GRM1: variants seen among roughly 807,000 people sequenced by gnomAD.
GRM1 encodes metabotropic glutamate receptor 1.
GRM1 carries 33 observed loss-of-function variants against 90.9 expected under a neutral mutation model. The ratio of observed to expected loss-of-function variants is 0.36; its 90% CI spans 0.28 to 0.49. The LOEUF (loss-of-function observed/expected upper bound fraction) is 0.49. GRM1 is among the 20% of genes least tolerant of loss of function. The probability of loss-of-function intolerance (pLI) is 0.99; values close to 1 mark genes in which losing one functional copy is unlikely to be tolerated. For missense variants in GRM1, 1,190 were observed against 1,534.3 expected (o/e 0.78, Z 3.75); for synonymous variants, 700 against 613.2 (o/e 1.14, Z -2.09).
intron 2 of GRM1, among the ~76,000 whole-genome samples, chr6:146,290,255 T>A (rs1356643252): frequency 6.6e-6 from 1 of 152,022 alleles, no homozygotes; most frequent in African/African-American, 2.4e-5. Flanking sequence ...AAAATAGAGA[T>A]CAGATTATCT....
At chr6:146,101,743 G>A (rs1240754758) in intron 1 of GRM1, among the ~76,000 whole-genome samples, 1 of 150,898 alleles carries the variant, frequency 6.6e-6, no homozygotes, top group Non-Finnish European at 1.5e-5. Flanking sequence ...TATATCACTG[G>A]TAAATATCAC....
intron 2 of GRM1, among the ~76,000 whole-genome samples, chr6:146,241,297 T>A (rs1780850802): frequency 6.6e-6 from 1 of 152,140 alleles, no homozygotes; most frequent in African/African-American, 2.4e-5. Context: ...CCGGATGCTT[T>A]GTTACCTTTA....
rs73577194 is a variant in GRM1, at chr6:146,329,792, G to T, written c.1187-22458G>T. On this transcript the variant is annotated intron_variant, in intron 3 of 7. Transcript: ENST00000282753. ...CTCAGAAATTTTACATTAGCCCACA[G>T]CTGGCCAAAATCACCTAACACAAAG... 2.1e-3 allele frequency among the ~76,000 whole-genome samples: 314 copies of T among 152,236 alleles called. 2 individuals are homozygous for T. Among genetic ancestry groups the T allele is most frequent in the African/African-American group, 7.1e-3 (296 of 41,542 alleles).
chr6:146,282,558 CAA>C (rs1443048775), intron 2 of GRM1, among the ~76,000 whole-genome samples: 4 of 138,108 alleles, frequency 2.9e-5, no homozygotes, highest in Non-Finnish European at 4.7e-5. Flanking sequence ...CACACCCCAC[CAA>C]AAAAAAAAAG....
chr6:146,200,696 T>C (rs1779270351), intron 2 of GRM1, among the ~76,000 whole-genome samples: 1 of 152,010 alleles, frequency 6.6e-6, no homozygotes, highest in African/African-American at 2.4e-5. Context: ...TGCAAAATAA[T>C]TTTTTGGTGG....
chr6:146,343,995 C>T (rs907663527), intron 3 of GRM1, among the ~76,000 whole-genome samples: 3 of 152,118 alleles, frequency 2.0e-5, no homozygotes, highest in African/African-American at 4.8e-5. Flanking sequence ...TAGGTATATA[C>T]GTATGCCAGA....
At chr6:146,415,625 C>A (rs1024972458) in intron 7 of GRM1, among the ~76,000 whole-genome samples, 11 of 152,282 alleles carry the variant, frequency 7.2e-5, no homozygotes, top group African/African-American at 2.6e-4. Flanking sequence ...GTCTGAAAAT[C>A]AGGTAGTGTA....
chr6:146,355,456 T>C (rs772216249), intron 4 of GRM1, among the ~76,000 whole-genome samples: 7 of 152,222 alleles, frequency 4.6e-5, no homozygotes, highest in Non-Finnish European at 1.0e-4. Context: ...TTCTCTCTTC[T>C]CATTCTAAGT....
chr6:146,273,609 A>C (rs2114832184), intron 2 of GRM1, among the ~76,000 whole-genome samples: 1 of 152,332 alleles, frequency 6.6e-6, no homozygotes, highest in Middle Eastern at 3.4e-3. Flanking sequence ...CTAGGGCTTA[A>C]GATGCACCAT....
Position 146,429,207 on chromosome 6 carries a change from A to G in GRM1, c.2661-4665A>G, listed in dbSNP as rs76103179. 6.9e-3 allele frequency among the ~76,000 whole-genome samples: 1,058 copies of G among 152,330 alleles called. 10 individuals are homozygous for G. The highest frequency in any genetic ancestry group is 0.024 in the African/African-American group (1,001 of 41,560). On this transcript the variant is annotated intron_variant, in intron 7 of 7. Coordinates refer to ENST00000282753, the MANE Select transcript of GRM1 (RefSeq NM_001278064.2). ...AAAGGGGAAAAGGCTAAGATTCACA[A>G]TGCCATTTAAGATGTCATATCAACA... is the stretch of plus-strand genomic sequence containing the variant.
chr6:146,051,811 C>G (rs60988683), intron 1 of GRM1, among the ~76,000 whole-genome samples: 1 of 152,052 alleles, frequency 6.6e-6, no homozygotes, highest in Non-Finnish European at 1.5e-5. Flanking sequence ...ATCATCACTA[C>G]TGTTTCCCAA....
chr6:146,068,408 C>A (rs1219211988), intron 1 of GRM1, among the ~76,000 whole-genome samples: 1 of 152,146 alleles, frequency 6.6e-6, no homozygotes, highest in Non-Finnish European at 1.5e-5. Flanking sequence ...CCACCGCGCC[C>A]GGCCTCAAAT....
intron 3 of GRM1, among the ~76,000 whole-genome samples, chr6:146,319,330 A>G (rs1282949847): frequency 1.3e-5 from 2 of 151,982 alleles, no homozygotes; most frequent in African/African-American, 4.8e-5. Flanking sequence ...TGGTTAATAT[A>G]TATGTTTTGG....
At chr6:146,240,841 C>G (rs1294539609) in intron 2 of GRM1, among the ~76,000 whole-genome samples, 1 of 152,138 alleles carries the variant, frequency 6.6e-6, no homozygotes, top group Non-Finnish European at 1.5e-5. Flanking sequence ...GTACAGTCTT[C>G]CTTGCCAGGA....
intron 1 of GRM1, among the ~76,000 whole-genome samples, chr6:146,112,424 T>G (rs780289123): frequency 1.3e-5 from 2 of 152,156 alleles, no homozygotes; most frequent in African/African-American, 4.8e-5. Flanking sequence ...GTGAGTTCTC[T>G]ATTGAGATAC....
chr6:146,174,341 A>T lies in GRM1; in HGVS notation c.950+14744A>T, dbSNP rs1313528250. 2.6e-5 allele frequency among the ~76,000 whole-genome samples: 4 copies of T among 152,274 alleles called. No homozygotes were observed. The South Asian group carries it at 8.3e-4, about 32-fold the overall frequency. ...CTTCTGGATTTAGCATTCCTTTCTA[A>T]TAGAGAAATATGAATATTATTTTTT... On this transcript the variant is annotated intron_variant, in intron 2 of 7. Coordinates refer to ENST00000282753, the MANE Select transcript of GRM1 (RefSeq NM_001278064.2).
At chr6:146,433,441 G>A (rs1218994289) in intron 7 of GRM1, among the ~76,000 whole-genome samples, 1 of 151,938 alleles carries the variant, frequency 6.6e-6, no homozygotes, top group Non-Finnish European at 1.5e-5. Context: ...TTGTCCCAAG[G>A]ACAATAGCCA....
intron 2 of GRM1, among the ~76,000 whole-genome samples, chr6:146,197,398 G>A (rs1452263110): frequency 1.3e-5 from 2 of 152,312 alleles, no homozygotes; most frequent in East Asian, 1.9e-4. Flanking sequence ...AAGGATTGTG[G>A]CATTTACCAG....
chr6:146,365,374 G>C (rs1353663238), intron 5 of GRM1: 3 of 152,194 alleles, frequency 2.0e-5, no homozygotes, highest in Non-Finnish European at 4.4e-5. Context: ...CTCCCACTCA[G>C]ACCTATATCT....
Sources: gnomAD v4.1 joint callset for allele counts (sites outside exome capture counted in the v4.1 genomes callset) on GRCh38, gnomAD v4.1.1 for gene constraint, MANE v1.5 for transcripts, NCBI Gene and HGNC (gene_info 2026-07-23, HGNC 2026-07-21) for gene names.